The following KCNB2 variants were observed in gnomAD, a reference collection of about 807,000 sequenced individuals.
KCNB2 encodes potassium voltage-gated channel subfamily B member 2, also known as delayed rectifier potassium channel protein.
In KCNB2, 15 loss-of-function variants were observed where a neutral mutation model predicts 61.5. The observed-to-expected ratio is 0.24, with a 90% CI of 0.16 to 0.38. The LOEUF is 0.38. Ranked by LOEUF, KCNB2 falls within the 10% of genes least tolerant of loss-of-function variation. The pLI, the probability that KCNB2 is intolerant of heterozygous loss-of-function variation, is 1.00. For synonymous variants in KCNB2, 457 were observed against 446.0 expected (o/e 1.02, Z -0.31); for missense variants, 828 against 1,125.2 (o/e 0.74, Z 3.78).
chr8:72,718,924 G>C (rs1455214769), intron 2 of KCNB2, among the ~76,000 whole-genome samples: 1 of 152,126 alleles, frequency 6.6e-6, no homozygotes, highest in Non-Finnish European at 1.5e-5. Flanking sequence ...AATTGGCCGA[G>C]TCATAAGGCG....
chr8:72,669,376 T>G (rs1806527008), intron 2 of KCNB2, among the ~76,000 whole-genome samples: 1 of 152,206 alleles, frequency 6.6e-6, no homozygotes, highest in Non-Finnish European at 1.5e-5. Flanking sequence ...TGTTTTGAAT[T>G]TGACTAATAT....
chr8:72,689,645 G>A (rs1224955755), intron 2 of KCNB2, among the ~76,000 whole-genome samples: 2 of 152,156 alleles, frequency 1.3e-5, no homozygotes, highest in African/African-American at 4.8e-5. Context: ...TAAATGGAAT[G>A]GTACTGTATG....
At chr8:72,632,064 C>A (rs1805890262) in intron 2 of KCNB2, among the ~76,000 whole-genome samples, 2 of 151,046 alleles carry the variant, frequency 1.3e-5, no homozygotes, top group South Asian at 4.3e-4. Flanking sequence ...TGGCAAGACC[C>A]CCATCTTTTA....
At chr8:72,829,553 C>T (rs1464019427) in intron 2 of KCNB2, among the ~76,000 whole-genome samples, 8 of 152,164 alleles carry the variant, frequency 5.3e-5, no homozygotes, top group Admixed American at 3.3e-4. Flanking sequence ...GTTCTCACCA[C>T]AGCTGTATAA....
At chr8:72,563,001 T>C (rs927701223) in intron 1 of KCNB2, among the ~76,000 whole-genome samples, 2 of 152,152 alleles carry the variant, frequency 1.3e-5, no homozygotes, top group South Asian at 2.1e-4. Flanking sequence ...AGTTAAAGGA[T>C]AGAAAATCAA....
chr8:72,599,799 C>T (rs1249338675), intron 2 of KCNB2, among the ~76,000 whole-genome samples: 1 of 152,140 alleles, frequency 6.6e-6, no homozygotes, highest in Non-Finnish European at 1.5e-5. Context: ...TATGAACAGA[C>T]ACTTCTCAAA....
At chr8:72,676,738 T>C (rs2439334) in intron 2 of KCNB2, among the ~76,000 whole-genome samples, 41,052 of 151,966 alleles carry the variant, frequency 0.27, 9,990 homozygotes, top group African/African-American at 0.65. Context: ...CAAGCAGGGG[T>C]TAACTTTCCA....
chr8:72,610,066 A>C lies in KCNB2; in HGVS notation c.579+41753A>C, dbSNP rs561617987. 2.0e-5 allele frequency among the ~76,000 whole-genome samples: 3 copies of C among 152,308 alleles called. No homozygotes were observed. In the East Asian group the frequency reaches 5.8e-4, roughly 29 times the overall value. ...AATCACTTAATAATATTTCAAAAAAATTTGGTGACTTTTCTGACCACAGGG... is the reference window on the plus strand; with the variant it reads ...AATCACTTAATAATATTTCAAAAAACTTTGGTGACTTTTCTGACCACAGGG... On this transcript the variant is annotated intron_variant, in intron 2 of 2. Transcript: ENST00000523207.
At chr8:72,850,011 C>T (rs1810066636) in intron 2 of KCNB2, among the ~76,000 whole-genome samples, 1 of 152,102 alleles carries the variant, frequency 6.6e-6, no homozygotes, top group Non-Finnish European at 1.5e-5. Context: ...CTTTGTATCC[C>T]AAACCTAGCA....
intron 2 of KCNB2, among the ~76,000 whole-genome samples, chr8:72,655,632 A>G (rs1806278890): frequency 6.6e-6 from 1 of 152,050 alleles, no homozygotes; most frequent in Admixed American, 6.6e-5. Flanking sequence ...CCAGAAAGGA[A>G]AGTTAATCAA....
intron 2 of KCNB2, among the ~76,000 whole-genome samples, chr8:72,626,512 T>G (rs1442834161): frequency 2.0e-5 from 3 of 152,246 alleles, no homozygotes; most frequent in Admixed American, 2.0e-4. Context: ...TAGAGCTAGC[T>G]CTTGTTGAAT....
chr8:72,756,192 A>C (rs1347826600), intron 2 of KCNB2, among the ~76,000 whole-genome samples: 1 of 152,186 alleles, frequency 6.6e-6, no homozygotes, highest in Non-Finnish European at 1.5e-5. Flanking sequence ...TCCACGAAGC[A>C]GGAGCCCTGT....
chr8:72,608,009 C>G (rs116357063), intron 2 of KCNB2, among the ~76,000 whole-genome samples: 33 of 152,232 alleles, frequency 2.2e-4, no homozygotes, highest in African/African-American at 7.7e-4. Context: ...GAGCAGGAAC[C>G]AAGCAGATAA....
At chr8:72,733,352 C>T (rs566217532) in intron 2 of KCNB2, among the ~76,000 whole-genome samples, 1 of 152,162 alleles carries the variant, frequency 6.6e-6, no homozygotes, top group South Asian at 2.1e-4. Context: ...AATTGACATA[C>T]TCCACCTCAA....
chr8:72,853,848 A>AT (rs1311702867), intron 2 of KCNB2, among the ~76,000 whole-genome samples: 8 of 152,262 alleles, frequency 5.3e-5, no homozygotes, highest in African/African-American at 1.2e-4. Flanking sequence ...TTGAATGAAG[A>AT]TTTTCCCAGT....
intron 2 of KCNB2, among the ~76,000 whole-genome samples, chr8:72,892,241 G>T (rs1159346278): frequency 6.6e-6 from 1 of 152,038 alleles, no homozygotes; most frequent in Non-Finnish European, 1.5e-5. Flanking sequence ...TTCCTGAGGG[G>T]TAGTGATCTC....
intron 2 of KCNB2, among the ~76,000 whole-genome samples, chr8:72,770,415 A>G (rs1479945455): frequency 1.3e-5 from 2 of 152,234 alleles, no homozygotes; most frequent in Non-Finnish European, 2.9e-5. Flanking sequence ...AGCTCCAAGG[A>G]GGAAAGTCCA....
At chr8:72,687,514 C>T (rs951861785) in intron 2 of KCNB2, among the ~76,000 whole-genome samples, 3 of 152,024 alleles carry the variant, frequency 2.0e-5, no homozygotes, top group African/African-American at 7.3e-5. Context: ...ATGTGGTTTT[C>T]TCAGTGGGGA....
At position 72,628,696 on chromosome 8, in the gene KCNB2, G is replaced by GC. The variant is rs1166824424; in HGVS notation, c.579+60387dup. Among the ~76,000 whole-genome samples, 6 of 152,188 alleles carry GC rather than the reference G, an allele frequency of 3.9e-5. No homozygotes were observed. In the East Asian group the frequency reaches 1.2e-3, roughly 29 times the overall value. ...ACCATGGGAAAGCAGCTTCCAGCAT[G>GC]CCCCATTTCATTCTTATATCTAGCT... On this transcript the variant is annotated intron_variant, in intron 2 of 2. Coordinates refer to ENST00000523207, the MANE Select transcript of KCNB2 (RefSeq NM_004770.3).
Sources: gnomAD v4.1 joint callset for allele counts (sites outside exome capture counted in the v4.1 genomes callset) on GRCh38, gnomAD v4.1.1 for gene constraint, MANE v1.5 for transcripts, NCBI Gene and HGNC (gene_info 2026-07-23, HGNC 2026-07-21) for gene names.